ESR1: variants seen among roughly 807,000 people sequenced by gnomAD.
ESR1 encodes estrogen receptor.
A neutral mutation model predicts 52.7 loss-of-function variants in ESR1; 12 were observed. The ratio of observed to expected loss-of-function variants is 0.23; its 90% CI spans 0.15 to 0.37. The LOEUF is 0.37. Among genes scored for constraint, ESR1 ranks in the 10% least tolerant of loss-of-function variants. The pLI is 1.00. For synonymous variants in ESR1, 305 were observed against 316.8 expected (o/e 0.96, Z 0.39); for missense variants, 584 against 779.7 (o/e 0.75, Z 2.99).
At chr6:152,109,543 G>A (rs1259513924) in intron 6 of ESR1, among the ~76,000 whole-genome samples, 3 of 151,972 alleles carry the variant, frequency 2.0e-5, no homozygotes, top group African/African-American at 7.2e-5. Context: ...AAAATTACCT[G>A]GGTGTGGTGG....
intron 5 of ESR1, among the ~76,000 whole-genome samples, chr6:152,045,623 A>G (rs1456057896): frequency 6.6e-6 from 1 of 151,798 alleles, no homozygotes; most frequent in African/African-American, 2.4e-5. Context: ...TTTCTCGTGG[A>G]GTTGTAGTGA....
At position 152,094,692 on chromosome 6, in the gene ESR1, C is replaced by A; in HGVS notation, c.1553+124C>A. 1.1e-6 allele frequency: 1 copy of A among 874,040 alleles called. No homozygotes were observed. The highest frequency in any genetic ancestry group is 1.8e-6 in the Non-Finnish European group (1 of 544,502). 54.1% of individuals were successfully genotyped at this position (874,040 alleles called of 1,614,324 possible). A position where few individuals can be genotyped will look rare whatever the true frequency, so the allele number is the denominator to read the frequency against. The stretch of plus-strand genomic sequence containing the variant: ...AGAGTGCACTTGTGACAGTTCCTGG[C>A]ATAGAATAAGCATAAATGCTATAGG... On this transcript the variant is annotated intron_variant, in intron 7 of 7. Transcript: ENST00000206249. This position sits in a 1 kb window ranked among gnomAD's most constrained non-coding sequence, Gnocchi z 4.6.
chr6:151,688,193 G>A (rs762323122), upstream of ESR1, among the ~76,000 whole-genome samples: 3 of 152,158 alleles, frequency 2.0e-5, no homozygotes, highest in Non-Finnish European at 2.9e-5. Context: ...ACTTCAAAAT[G>A]ATTCATAACA....
chr6:151,716,480 C>T (rs908981876), intron 2 of ESR1, among the ~76,000 whole-genome samples: 15 of 152,220 alleles, frequency 9.9e-5, no homozygotes, highest in African/African-American at 3.1e-4. Context: ...GGAGTTTTAT[C>T]TATAAGCCCC....
chr6:151,741,830 A>G (rs1409680493), intron 2 of ESR1, among the ~76,000 whole-genome samples: 3 of 152,214 alleles, frequency 2.0e-5, no homozygotes, highest in Non-Finnish European at 4.4e-5. Flanking sequence ...GGAATACAGT[A>G]CAATATGATT....
At chr6:152,093,637 G>T (rs2152493794) in intron 6 of ESR1, among the ~76,000 whole-genome samples, 1 of 152,246 alleles carries the variant, frequency 6.6e-6, no homozygotes, top group Non-Finnish European at 1.5e-5. Flanking sequence ...CCAGACAGCA[G>T]GATCTATTTC....
intron 4 of ESR1, among the ~76,000 whole-genome samples, chr6:151,967,666 G>A (rs995840317): frequency 6.6e-6 from 1 of 152,186 alleles, no homozygotes; most frequent in African/African-American, 2.4e-5. Flanking sequence ...TGTCTTTATA[G>A]TAGAATGATT....
At chr6:151,971,746 A>G (rs2038935384) in intron 4 of ESR1, among the ~76,000 whole-genome samples, 1 of 152,178 alleles carries the variant, frequency 6.6e-6, no homozygotes, top group African/African-American at 2.4e-5. Flanking sequence ...CACCTCAGAG[A>G]ACTAGGGAAA....
intron 6 of ESR1, among the ~76,000 whole-genome samples, chr6:152,086,274 A>G (rs1195364572): frequency 6.6e-6 from 1 of 152,100 alleles, no homozygotes; most frequent in Non-Finnish European, 1.5e-5. Context: ...AAGTAATGAA[A>G]AGAAGGCTCC....
intron 2 of ESR1, among the ~76,000 whole-genome samples, chr6:151,763,417 G>A (rs563635062): frequency 1.1e-4 from 16 of 152,262 alleles, no homozygotes; most frequent in Non-Finnish European, 1.0e-4. Flanking sequence ...ACCCCCAAAG[G>A]CAAAAATTAC....
intron 2 of ESR1, among the ~76,000 whole-genome samples, chr6:151,849,425 C>T (rs1785860256): frequency 1.3e-5 from 2 of 152,222 alleles, no homozygotes; most frequent in East Asian, 1.9e-4. Context: ...ATGGGCAGAT[C>T]ACGAGGTCAG....
rs138118627 is a variant in ESR1, at chr6:151,669,025, A to G, written n.73+12262A>G. 8.0e-4 allele frequency among the ~76,000 whole-genome samples: 122 copies of G among 151,866 alleles called. 2 individuals carry two copies. The East Asian group carries it at 0.021, about 26-fold the overall frequency. On this transcript the variant is annotated intron_variant and non_coding_transcript_variant, in intron 1 of 2. Coordinates refer to the ESR1 transcript ENST00000473497. The stretch of plus-strand genomic sequence containing the variant: ...TGGAAAGGCAGGTTGTGACCAGGCT[A>G]AAGGCATCTGGACTTTGCTCTAGAG...
At chr6:152,009,198 T>C (rs2042573028) in intron 4 of ESR1, among the ~76,000 whole-genome samples, 1 of 152,136 alleles carries the variant, frequency 6.6e-6, no homozygotes, top group African/African-American at 2.4e-5. Flanking sequence ...TTCTCATTTT[T>C]CCTGATGCCA....
chr6:151,873,562 A>C (rs1018413122), intron 2 of ESR1, among the ~76,000 whole-genome samples: 30 of 152,230 alleles, frequency 2.0e-4, no homozygotes, highest in African/African-American at 7.2e-4. Context: ...TTTATATAAC[A>C]GTGCTTTGAA....
chr6:151,683,839 C>T (rs987697683), intron 1 of ESR1, among the ~76,000 whole-genome samples: 3 of 150,540 alleles, frequency 2.0e-5, no homozygotes, highest in Non-Finnish European at 4.4e-5. Context: ...GCTGGGATTA[C>T]AAGCATGTGC....
intron 3 of ESR1, among the ~76,000 whole-genome samples, chr6:151,941,841 T>C (rs1353922803): frequency 2.0e-5 from 3 of 152,240 alleles, no homozygotes; most frequent in African/African-American, 4.8e-5. Flanking sequence ...GCTTCTATTT[T>C]AGCCTTTGGG....
chr6:152,027,181 G>C (rs1261493820), intron 5 of ESR1, among the ~76,000 whole-genome samples: 1 of 152,070 alleles, frequency 6.6e-6, no homozygotes, highest in African/African-American at 2.4e-5. Context: ...GGCCAGGCTG[G>C]TCACGAATTC....
intron 6 of ESR1, chr6:152,122,264 T>C: frequency 1.0e-6 from 1 of 991,088 alleles, no homozygotes; most frequent in Non-Finnish European, 1.5e-6. Context: ...CGTCACTGTT[T>C]ATCTTCCACC....
intron 3 of ESR1, among the ~76,000 whole-genome samples, chr6:151,891,974 C>A (rs1401474134): frequency 1.3e-5 from 2 of 152,050 alleles, no homozygotes; most frequent in East Asian, 3.8e-4. Flanking sequence ...GCATTTTTAT[C>A]TTTCAGCCAA....
Sources: allele counts gnomAD v4.1 joint callset (sites outside exome capture counted in the v4.1 genomes callset), GRCh38; gene constraint gnomAD v4.1.1; non-coding constraint Gnocchi (gnomAD v3.1); transcripts MANE v1.5; gene names NCBI Gene and HGNC (gene_info 2026-07-23, HGNC 2026-07-21).